Variants in TLR9 observed in about 807,000 individuals in gnomAD.
TLR9 encodes toll-like receptor 9.
Under a neutral mutation model 24.6 loss-of-function variants are expected in TLR9, and 19 were observed. The observed-to-expected ratio is 0.77, with a 90% confidence interval of 0.54 to 1.13. TLR9 has a LOEUF of 1.13. Among genes scored for constraint, TLR9 ranks in the 50% most tolerant of loss-of-function variants. The pLI is 0.00. For synonymous variants in TLR9, 579 were observed against 609.8 expected, an observed-to-expected ratio of 0.95 and a Z score of 0.74; for missense variants, 1,065 against 1,379.6, an observed-to-expected ratio of 0.77 and a Z score of 3.61.
chr3:52,225,470 TC>T, intron 1 of TLR9, 56 bp downstream of exon 1: 1 of 1,606,546 alleles, frequency 6.2e-7, no homozygotes, highest in Non-Finnish European at 8.5e-7. Context: ...CCCACTTCTT[TC>T]CCCACCCCTT....
At chr3:52,224,349 C>T in intron 1 of TLR9, 37 bp from the exon 2 acceptor site, 1 of 1,490,834 alleles carries the variant, frequency 6.7e-7, no homozygotes, top group Non-Finnish European at 9.1e-7. Context: ...TGGCCGGCCC[C>T]CAGCTCTACC....
At chr3:52,225,162 T>C (rs574677054) in intron 1 of TLR9, among the ~76,000 whole-genome samples, 1 of 152,190 alleles carries the variant, frequency 6.6e-6, no homozygotes, top group African/African-American at 2.4e-5. Flanking sequence ...CTGACCAACA[T>C]GGAGAAACCC....
Position 52,222,028 on chromosome 3 carries a change from T to C in TLR9, c.2288A>G (p.His763Arg). The C allele has an allele frequency of 6.2e-7, 1 of 1,611,742 alleles. No individual in the cohort carries two copies. Among genetic ancestry groups the C allele is most frequent in the Non-Finnish European group, 8.5e-7 (1 of 1,178,972 alleles). ...QILDVSANPL[H>R]CACGAAFMDF... Reference sequence around the variant, plus strand: ...CATAAAGGCCGCCCCACAGGCGCAGTGCAGAGGGTTGGCGCTTACATCTAG... The same window carrying C: ...CATAAAGGCCGCCCCACAGGCGCAGCGCAGAGGGTTGGCGCTTACATCTAG... The change falls in exon 2 of 2, where the codon CAC becomes CGC. Residue 763 changes from histidine to arginine, a missense_variant. By Grantham distance (29) the His-to-Arg change is conservative. Coordinates refer to ENST00000360658, the MANE Select transcript of TLR9 (RefSeq NM_017442.4).
Position 52,223,211 on chromosome 3 carries a change from G to C in TLR9, c.1105C>G (p.Leu369Val). 2.5e-6 allele frequency: 4 copies of C among 1,613,796 alleles called. No homozygotes were observed. Among genetic ancestry groups the C allele is most frequent in the Non-Finnish European group, 3.4e-6 (4 of 1,179,808 alleles). The stretch of plus-strand genomic sequence containing the variant: ...CGGAAGAAGATGCCGTGCATGTCCA[G>C]CTCCTTCAGGGCGACCAGGCTCCCG... The part of the protein sequence containing the change: ...SFGSLVALKE[L>V]DMHGIFFRSL... Residue 369 changes from leucine to valine, a missense_variant, in exon 2 of 2, where the codon CTG (leucine) becomes GTG (valine). Leu to Val is a conservative substitution (Grantham distance 32). Transcript: ENST00000360658.
chr3:52,222,873 C>G lies in TLR9; in HGVS notation c.1443G>C (p.Arg481=). 1 of 1,608,824 alleles carries G rather than the reference C, an allele frequency of 6.2e-7. No homozygotes were observed. Among genetic ancestry groups the G allele is most frequent in the Non-Finnish European group, 8.5e-7 (1 of 1,175,790 alleles). Residue 481 remains arginine, a synonymous_variant, in exon 2 of 2, where the codon CGG becomes CGC. Coordinates refer to ENST00000360658, the MANE Select transcript of TLR9 (RefSeq NM_017442.4). ...CCGGCTGCACGGTCACCAGGTTGTT[C>G]CGTGACAGATCCAAGGTGAAGTTGA... ...STLNFTLDLS[R]NNLVTVQPEM...
rs752504915 is a variant in TLR9, at chr3:52,221,921, G to A, written c.2395C>T (p.Leu799Phe). The A allele has an allele frequency of 1.9e-6, 3 of 1,613,248 alleles. No homozygotes were observed. The highest frequency in any genetic ancestry group is 1.3e-5 in the African/African-American group (1 of 75,064). Residue 799 changes from leucine to phenylalanine, a missense_variant, in exon 2 of 2, where the codon CTC becomes TTC. By Grantham distance (22) the Leu-to-Phe change is conservative. Coordinates refer to ENST00000360658, the MANE Select transcript of TLR9 (RefSeq NM_017442.4). This position sits in a 1 kb window ranked among gnomAD's most constrained non-coding sequence, Gnocchi z 9.9. ...KCGSPGQLQG[L>F]SIFAQDLRLC... ...CGCAGGTCCTGTGCAAAGATGCTGA[G>A]GCCCTGGAGCTGGCCCGGACTGCCA...
Position 52,221,164 on chromosome 3 carries a change from G to A in TLR9, c.*53C>T. ...GAGCAGGGGAGGGTCAGACCAGGCA[G>A]GCAGAGGTGAGGTGAGTGTGGAGGT... On this transcript the variant is annotated 3_prime_UTR_variant, in exon 2 of 2. Transcript: ENST00000360658. This position sits in a 1 kb window ranked among gnomAD's most constrained non-coding sequence, Gnocchi z 9.9. The A allele has an allele frequency of 1.4e-6, 2 of 1,473,588 alleles. No homozygotes were observed. The highest frequency in any genetic ancestry group is 1.4e-5 in the South Asian group (1 of 71,528). 91.3% of individuals were successfully genotyped at this position (1,473,588 alleles called of 1,614,324 possible). A position where few individuals can be genotyped will look rare whatever the true frequency, so the allele number is the denominator to read the frequency against.
chr3:52,224,450 C>A, intron 1 of TLR9, 138 bp from the exon 2 acceptor site: 1 of 700,472 alleles, frequency 1.4e-6, no homozygotes, highest in Non-Finnish European at 2.4e-6. Context: ...GCTGCCAAGC[C>A]CCATTCCCAT....
chr3:52,222,921 G>A lies in TLR9; in HGVS notation c.1395C>T (p.Asp465=), dbSNP rs1255425705. 1 of 1,602,868 alleles carries A rather than the reference G, an allele frequency of 6.2e-7. No homozygotes were observed. Among genetic ancestry groups the A allele is most frequent in the Non-Finnish European group, 8.5e-7 (1 of 1,172,064 alleles). Residue 465 remains aspartate (D), a synonymous_variant, in exon 2 of 2, where the codon GAC becomes GAT. Coordinates refer to ENST00000360658, the MANE Select transcript of TLR9 (RefSeq NM_017442.4). ...PAPVDTPSSE[D]FRPNCSTLNF... is the part of the protein sequence containing the mutation. ...TGAGGGTGCTGCAGTTGGGCCTGAA[G>A]TCTTCAGAGCTGGGAGTGTCCACTG...
chr3:52,221,824 C>G lies in TLR9; in HGVS notation c.2492G>C (p.Gly831Ala), dbSNP rs939400923. ...ACAGAGGTGATGCAGCATGGGCACA[C>G]CCAGGCCCAGAGCCACAGCCAGCAG... is the stretch of plus-strand genomic sequence containing the variant. ...LSLLAVALGL[G>A]VPMLHHLCGW... The change falls in exon 2 of 2, where the codon GGT (glycine) becomes GCT (alanine). Residue 831 changes from glycine (G) to alanine (A), a missense_variant. Physicochemically the swap from Gly to Ala is moderately conservative, Grantham distance 60 (BLOSUM62 0). Transcript: ENST00000360658. The surrounding 1 kb of genome is among the most constrained non-coding windows in gnomAD (Gnocchi z 9.9). 6.2e-7 allele frequency: 1 copy of G among 1,613,956 alleles called. No homozygotes were observed. Among genetic ancestry groups the G allele is most frequent in the Non-Finnish European group, 8.5e-7 (1 of 1,180,014 alleles).
In TLR9 at chr3:52,225,641, A is replaced by C. The variant is rs200161349; in HGVS notation, c.-112T>G. ...TCCCACAGGGGCAGCAGCGGCTCAG[A>C]GAATAGAGGAAGTAAGATTTTTATA... On this transcript the variant is annotated 5_prime_UTR_variant, in exon 1 of 2. Coordinates refer to ENST00000360658, the MANE Select transcript of TLR9 (RefSeq NM_017442.4). 6.9e-7 allele frequency: 1 copy of C among 1,453,776 alleles called. No individual in the cohort carries two copies. Among genetic ancestry groups the C allele is most frequent in the African/African-American group, 1.4e-5 (1 of 69,596 alleles). 90.1% of individuals were successfully genotyped at this position (1,453,776 alleles called of 1,614,324 possible). A position where few individuals can be genotyped will look rare whatever the true frequency, so the allele number is the denominator to read the frequency against.
chr3:52,222,983 T>C lies in TLR9; in HGVS notation c.1333A>G (p.Lys445Glu). ...AGGTCCCCAGGCTGCAGCCAGACCT[T>C]CTCCCCTCCATCTGCCTCCCCCATG... Reference protein sequence around the residue: ...ATMGEADGGEKVWLQPGDLAP... With the variant: ...ATMGEADGGEEVWLQPGDLAP... The change falls in exon 2 of 2, where the codon AAG (lysine) becomes GAG (glutamate). Residue 445 changes from lysine (K) to glutamate (E), a missense_variant. By Grantham distance (56) the Lys-to-Glu change is moderately conservative (BLOSUM62 1). Transcript: ENST00000360658. The C allele has an allele frequency of 6.3e-7, 1 of 1,593,242 alleles. No homozygotes were observed. The highest frequency in any genetic ancestry group is 8.6e-7 in the Non-Finnish European group (1 of 1,167,774).
chr3:52,225,618 C>A lies in TLR9; in HGVS notation c.-89G>T, dbSNP rs767045599. On this transcript the variant is annotated 5_prime_UTR_variant, in exon 1 of 2. Transcript: ENST00000360658. The stretch of plus-strand genomic sequence containing the variant: ...GATGCTTCACACTCGAGGTCCCTTC[C>A]CACAGGGGCAGCAGCGGCTCAGAGA... 4 of 1,544,832 alleles carry A rather than the reference C, an allele frequency of 2.6e-6. No individual in the cohort carries two copies. The highest frequency in any genetic ancestry group is 3.5e-6 in the Non-Finnish European group (4 of 1,139,362).
chr3:52,221,363 G>A lies in TLR9; in HGVS notation c.2953C>T (p.Gln985Ter). The change falls in exon 2 of 2, where the codon CAG (glutamine) becomes TAG (stop). Residue 985 changes from glutamine (Q) to a stop codon, truncating the protein, a stop_gained. Coordinates refer to ENST00000360658, the MANE Select transcript of TLR9 (RefSeq NM_017442.4). LOFTEE classifies it high-confidence loss of function. This position sits in a 1 kb window ranked among gnomAD's most constrained non-coding sequence, Gnocchi z 9.9. ...AGGACACTCTGGCGGCAGAGGCGCT[G>A]GCGCAGCCGCACGTAGCGGGAGCGG... is the stretch of plus-strand genomic sequence containing the variant. ...GRRSRYVRLR[Q>*]RLCRQSVLLW... 1.9e-6 allele frequency: 3 copies of A among 1,585,684 alleles called. No homozygotes were observed. The highest frequency in any genetic ancestry group is 2.6e-6 in the Non-Finnish European group (3 of 1,163,964).
rs950547267 is a variant in TLR9 at position 52,225,625 on chromosome 3, G to C, written c.-96C>G. The stretch of plus-strand genomic sequence containing the variant: ...CACACTCGAGGTCCCTTCCCACAGG[G>C]GCAGCAGCGGCTCAGAGAATAGAGG... On this transcript the variant is annotated 5_prime_UTR_variant, in exon 1 of 2. Transcript: ENST00000360658. 2.6e-6 allele frequency: 4 copies of C among 1,520,102 alleles called. No homozygotes were observed. The African/African-American group carries it at 5.7e-5, about 22-fold the overall frequency. The allele number at this position is 1,520,102 out of a possible 1,614,324, so 94.2% of individuals were successfully genotyped here. A position where few individuals can be genotyped will look rare whatever the true frequency, so the allele number is the denominator to read the frequency against.
At chr3:52,224,418 C>T (rs1480012819) in intron 1 of TLR9, 106 bp from the exon 2 acceptor site, 1 of 902,928 alleles carries the variant, frequency 1.1e-6, no homozygotes, top group African/African-American at 1.7e-5. Flanking sequence ...TCTCCAAGCC[C>T]TACCTGCAGA....
intron 1 of TLR9, among the ~76,000 whole-genome samples, 158 bp downstream of exon 1, chr3:52,225,369 G>C (rs2107296952): frequency 6.6e-6 from 1 of 151,678 alleles, no homozygotes; most frequent in African/African-American, 2.4e-5. Context: ...GAAAAAAGAA[G>C]AGGGCTTCGG....
chr3:52,224,393 A>G, intron 1 of TLR9, 81 bp from the exon 2 acceptor site: 1 of 1,125,550 alleles, frequency 8.9e-7, no homozygotes, highest in South Asian at 1.4e-5. Context: ...ATCTTCTAGC[A>G]TCTTCCAACC....
chr3:52,224,636 TC>T (rs1699603401), intron 1 of TLR9, among the ~76,000 whole-genome samples: 1 of 152,076 alleles, frequency 6.6e-6, no homozygotes, highest in African/African-American at 2.4e-5. Context: ...CCCTGGTCTC[TC>T]CCCGACTTTC....
Sources: allele counts gnomAD v4.1 joint callset (sites outside exome capture counted in the v4.1 genomes callset), GRCh38; gene constraint gnomAD v4.1.1; non-coding constraint Gnocchi (gnomAD v3.1); transcripts MANE v1.5; gene names NCBI Gene and HGNC (gene_info 2026-07-23, HGNC 2026-07-21).